The following GLIS3 variants were observed in gnomAD, a reference collection of about 807,000 sequenced individuals.
The protein encoded by GLIS3 is GLIS family zinc finger 3.
Under a neutral mutation model 78.6 loss-of-function variants are expected in GLIS3, and 53 were observed. The observed-to-expected ratio is 0.67, with a 90% CI of 0.54 to 0.85. GLIS3 has a LOEUF of 0.85. Among genes scored for constraint, GLIS3 ranks in the 40% least tolerant of loss-of-function variants. The probability of loss-of-function intolerance (pLI) is 0.00; values close to 1 mark genes in which losing one functional copy is unlikely to be tolerated. For synonymous variants in GLIS3, 684 were observed against 509.9 expected, an observed-to-expected ratio of 1.34 and a Z score of -4.60; for missense variants, 1,703 against 1,231.1, an observed-to-expected ratio of 1.38 and a Z score of -5.74.
intron 4 of GLIS3, among the ~76,000 whole-genome samples, chr9:4,092,740 G>A (rs1829629175): frequency 6.6e-6 from 1 of 152,138 alleles, no homozygotes; most frequent in African/African-American, 2.4e-5. Context: ...TCTTGACGGA[G>A]CAACCTGAGG....
Position 3,829,322 on chromosome 9 carries a change from A to G in GLIS3, c.2644T>C (p.Ser882Pro). Reference sequence around the variant, plus strand: ...ACAACCAACACACCTGTAATGCCCGAGTGAGTCGAGAAGGCTCTGTGGAAA... The same window carrying G: ...ACAACCAACACACCTGTAATGCCCGGGTGAGTCGAGAAGGCTCTGTGGAAA... ...DVFHRAFSTH[S>P]GITVYDLPSS... The change falls in exon 10 of 11, where the codon TCG (serine) becomes CCG (proline). Residue 882 changes from serine to proline, a missense_variant. By Grantham distance (74) the Ser-to-Pro change is moderately conservative. Coordinates refer to ENST00000381971, the MANE Select transcript of GLIS3 (RefSeq NM_001042413.2). 2 of 1,613,948 alleles carry G rather than the reference A, an allele frequency of 1.2e-6. No homozygotes were observed. The highest frequency in any genetic ancestry group is 8.5e-7 in the Non-Finnish European group (1 of 1,179,912).
intron 2 of GLIS3, among the ~76,000 whole-genome samples, chr9:4,129,944 TGAG>T (rs1832851184): frequency 6.6e-6 from 1 of 152,196 alleles, no homozygotes. Flanking sequence ...AAGTCCAGGC[TGAG>T]GAGGTCTCAG....
chr9:4,318,281 A>C (rs532829796), intron 2 of GLIS3, among the ~76,000 whole-genome samples: 17 of 152,148 alleles, frequency 1.1e-4, no homozygotes, highest in Admixed American at 2.0e-4. Flanking sequence ...AAAGAAATGT[A>C]TATCTCCCAG....
intron 2 of GLIS3, among the ~76,000 whole-genome samples, chr9:4,254,719 A>G (rs1824743587): frequency 6.6e-6 from 1 of 152,150 alleles, no homozygotes; most frequent in South Asian, 2.1e-4. Context: ...AAACGCCTGT[A>G]ATCCCAGCTA....
chr9:4,240,316 G>A (rs186767422), intron 2 of GLIS3, among the ~76,000 whole-genome samples: 14 of 152,206 alleles, frequency 9.2e-5, no homozygotes, highest in Admixed American at 2.0e-4. Context: ...TAGGGTTTGC[G>A]CTCTTATGAG....
chr9:3,852,115 C>T (rs7868369), intron 9 of GLIS3, among the ~76,000 whole-genome samples: 2 of 151,520 alleles, frequency 1.3e-5, no homozygotes, highest in African/African-American at 2.4e-5. Context: ...ACGGTACTCC[C>T]GCCTGGGTGA....
At chr9:4,377,252 T>A in the GLIS3 span, among the ~76,000 whole-genome samples, 16 of 135,300 alleles carry the variant, frequency 1.2e-4, 3 homozygotes, top group African/African-American at 4.2e-4. Flanking sequence ...TGCCAGCGCA[T>A]CTGGAACAAA....
At chr9:4,341,504 A>G (rs894909919) in intron 2 of GLIS3, among the ~76,000 whole-genome samples, 3 of 152,156 alleles carry the variant, frequency 2.0e-5, no homozygotes, top group Admixed American at 2.0e-4. Context: ...GCTGCCCTAT[A>G]TCATTTTTTC....
At chr9:3,940,728 G>A (rs1815825494) in intron 4 of GLIS3, among the ~76,000 whole-genome samples, 1 of 152,232 alleles carries the variant, frequency 6.6e-6, no homozygotes, top group Admixed American at 6.5e-5. Flanking sequence ...CAGGGTGACA[G>A]TGTGGGGAGC....
intron 4 of GLIS3, among the ~76,000 whole-genome samples, chr9:4,106,351 C>T (rs991106677): frequency 2.0e-5 from 3 of 152,070 alleles, no homozygotes; most frequent in African/African-American, 7.2e-5. Flanking sequence ...GCTTGTTTGC[C>T]TAGCTTCATT....
chr9:4,323,615 T>C (rs960886713), intron 2 of GLIS3, among the ~76,000 whole-genome samples: 8 of 152,206 alleles, frequency 5.3e-5, no homozygotes, highest in Non-Finnish European at 4.4e-5. Context: ...TTTCTGACCT[T>C]CATAACTAGG....
chr9:4,287,230 A>C (rs1828077943), intron 1 of GLIS3, among the ~76,000 whole-genome samples: 1 of 152,214 alleles, frequency 6.6e-6, no homozygotes, highest in South Asian at 2.1e-4. Flanking sequence ...AGGGCTGTGC[A>C]AAACGCCTTA....
intron 4 of GLIS3, among the ~76,000 whole-genome samples, chr9:3,960,551 C>A (rs573915126): frequency 6.6e-6 from 1 of 152,328 alleles, no homozygotes; most frequent in Non-Finnish European, 1.5e-5. Context: ...GTTCATCATT[C>A]TTTGACACTC....
At position 4,143,385 on chromosome 9, in the gene GLIS3, G is replaced by A. The variant is rs1833958288; in HGVS notation, c.389-17444C>T. 2.6e-5 allele frequency among the ~76,000 whole-genome samples: 4 copies of A among 151,918 alleles called. No homozygotes were observed. In the South Asian group the frequency reaches 8.3e-4, roughly 32 times the overall value. On this transcript the variant is annotated intron_variant, in intron 2 of 10. Coordinates refer to ENST00000381971, the MANE Select transcript of GLIS3 (RefSeq NM_001042413.2). ...AGTTCGAGACCAGCCTGTCCAACAT[G>A]ATGAAACCCTGTCTCTACTAAAAAT... is the stretch of plus-strand genomic sequence containing the variant.
At chr9:4,255,994 C>G (rs180894490) in intron 2 of GLIS3, among the ~76,000 whole-genome samples, 30 of 152,132 alleles carry the variant, frequency 2.0e-4, no homozygotes, top group Non-Finnish European at 4.0e-4. Flanking sequence ...ACCTGTTGCT[C>G]AATTTTGCTG....
At chr9:4,397,948 A>T in the GLIS3 span, among the ~76,000 whole-genome samples, 1 of 152,038 alleles carries the variant, frequency 6.6e-6, no homozygotes, top group Non-Finnish European at 1.5e-5. Flanking sequence ...CCAGTTCCCC[A>T]TTCACACTGT....
chr9:4,291,733 A>G (rs1319518145), intron 1 of GLIS3, among the ~76,000 whole-genome samples: 2 of 152,164 alleles, frequency 1.3e-5, no homozygotes, highest in Non-Finnish European at 2.9e-5. Flanking sequence ...GATAATGGCT[A>G]CAGATTGCTG....
intron 9 of GLIS3, among the ~76,000 whole-genome samples, chr9:3,833,793 T>A (rs993402887): frequency 6.6e-6 from 1 of 152,208 alleles, no homozygotes; most frequent in Admixed American, 6.5e-5. Flanking sequence ...AAAGTTATTT[T>A]GCCTTCAAGA....
At chr9:4,021,628 T>C (rs533835047) in intron 4 of GLIS3, among the ~76,000 whole-genome samples, 176 of 152,308 alleles carry the variant, frequency 1.2e-3, no homozygotes, top group South Asian at 1.7e-3. Context: ...TAGAACCTCA[T>C]TTTCAATTAA....
Sources: gnomAD v4.1 joint callset for allele counts (sites outside exome capture counted in the v4.1 genomes callset) on GRCh38, gnomAD v4.1.1 for gene constraint, MANE v1.5 for transcripts, NCBI Gene and HGNC (gene_info 2026-07-23, HGNC 2026-07-21) for gene names.